Variants in ALPK1 observed in about 807,000 individuals in gnomAD.
The protein encoded by ALPK1 is alpha-protein kinase 1.
A neutral mutation model predicts 120.6 loss-of-function variants in ALPK1; 110 were observed. The ratio of observed to expected loss-of-function variants is 0.91; its 90% CI spans 0.78 to 1.07. The LOEUF is 1.07. ALPK1 is among the 50% of genes least tolerant of loss of function. The pLI, the probability that ALPK1 is intolerant of heterozygous loss-of-function variation, is 0.00. For synonymous variants in ALPK1, 582 were observed against 560.3 expected, an observed-to-expected ratio of 1.04 and a Z score of -0.55; for missense variants, 1,498 against 1,483.9, an observed-to-expected ratio of 1.01 and a Z score of -0.16.
intron 4 of ALPK1, among the ~76,000 whole-genome samples, chr4:112,398,298 T>C (rs1732756697): frequency 6.6e-6 from 1 of 152,114 alleles, no homozygotes; most frequent in Non-Finnish European, 1.5e-5. Flanking sequence ...ATTTTTTTAA[T>C]TTTTTTAAGA....
intron 2 of ALPK1, chr4:112,358,298 T>G: frequency 1.7e-6 from 1 of 600,384 alleles, no homozygotes; most frequent in East Asian, 3.7e-5. Context: ...GGTGTACAAC[T>G]TCGGCCATGT....
At chr4:112,419,006 A>G (rs1182378091) in intron 5 of ALPK1, among the ~76,000 whole-genome samples, 3 of 152,250 alleles carry the variant, frequency 2.0e-5, no homozygotes, top group Non-Finnish European at 4.4e-5. Context: ...AATATGGCTG[A>G]ACACATAGAA....
intron 12 of ALPK1, among the ~76,000 whole-genome samples, chr4:112,436,292 G>A (rs1037626585): frequency 7.9e-6 from 1 of 126,860 alleles, no homozygotes. Context: ...TCTGAGGGTA[G>A]ATACTATTAT....
At position 112,425,739 on chromosome 4, in the gene ALPK1, C is replaced by T; in HGVS notation, c.610C>T (p.Leu204=). Residue 204 remains leucine (L), a synonymous_variant, in exon 7 of 16, where the codon CTG becomes TTG. Coordinates refer to ENST00000650871, the MANE Select transcript of ALPK1 (RefSeq NM_025144.4). ...CTGTATACAGATCAGAGGGCAGATT[C>T]TGCAAAAGCTGGGTACAATCATGTA... ...SVCIQIRGQI[L]QKLGMWYEAA... 6.2e-7 allele frequency: 1 copy of T among 1,611,090 alleles called. No homozygotes were observed. The highest frequency in any genetic ancestry group is 8.5e-7 in the Non-Finnish European group (1 of 1,177,952).
chr4:112,322,391 C>T (rs1416317620), intron 2 of ALPK1, among the ~76,000 whole-genome samples: 1 of 152,010 alleles, frequency 6.6e-6, no homozygotes, highest in Admixed American at 6.6e-5. Flanking sequence ...TACAGATATC[C>T]CTGAAATAAA....
intron 2 of ALPK1, among the ~76,000 whole-genome samples, chr4:112,320,521 C>G (rs1336712370): frequency 6.6e-6 from 1 of 152,012 alleles, no homozygotes; most frequent in African/African-American, 2.4e-5. Context: ...TTGTTATGTC[C>G]TTTCCTGGTT....
chr4:112,410,639 A>G (rs891480348), intron 4 of ALPK1, among the ~76,000 whole-genome samples: 1 of 152,232 alleles, frequency 6.6e-6, no homozygotes, highest in African/African-American at 2.4e-5. Flanking sequence ...GCATAGGAAG[A>G]TAATAGTATT....
intron 1 of ALPK1, among the ~76,000 whole-genome samples, chr4:112,310,757 GT>G (rs901897785): frequency 9.9e-5 from 15 of 151,828 alleles, no homozygotes; most frequent in East Asian, 1.9e-4. Flanking sequence ...TTTTCCTTAA[GT>G]TTTTTTTGAT....
intron 1 of ALPK1, among the ~76,000 whole-genome samples, chr4:112,298,025 C>A (rs1727620176): frequency 6.6e-6 from 1 of 152,034 alleles, no homozygotes; most frequent in Non-Finnish European, 1.5e-5. Context: ...TGTTTAGAGA[C>A]AAAGCATCCA....
chr4:112,425,876 C>T, intron 7 of ALPK1, 125 bp downstream of exon 7: 2 of 676,892 alleles, frequency 3.0e-6, no homozygotes, highest in Non-Finnish European at 5.0e-6. Context: ...TTAGTTTCCT[C>T]ATCGAAAAGA....
chr4:112,412,549 G>A, intron 5 of ALPK1: 1 of 406,256 alleles, frequency 2.5e-6, no homozygotes. Flanking sequence ...CTGTCACTTT[G>A]AATGAAATGA....
In ALPK1 at chr4:112,439,674, G is replaced by A. The variant is rs778750114; in HGVS notation, c.3352-12G>A. The A allele has an allele frequency of 6.3e-7, 1 of 1,591,704 alleles. No homozygotes were observed. Among genetic ancestry groups the A allele is most frequent in the Admixed American group, 1.8e-5 (1 of 55,480 alleles). Reference sequence around the variant, plus strand: ...CCATTATGCTGTAATGTTTCTCATTGCTATTTTTCAGATTTTAGAGGACAA... The same window carrying A: ...CCATTATGCTGTAATGTTTCTCATTACTATTTTTCAGATTTTAGAGGACAA... On this transcript the variant is annotated splice_polypyrimidine_tract_variant and intron_variant, in intron 13 of 15. Coordinates refer to ENST00000650871, the MANE Select transcript of ALPK1 (RefSeq NM_025144.4).
At chr4:112,429,020 T>C in intron 9 of ALPK1, 129 bp from the exon 10 acceptor site, 1 of 800,940 alleles carries the variant, frequency 1.2e-6, no homozygotes, top group Non-Finnish European at 2.1e-6. Context: ...TTCTTTACAC[T>C]GTTCTGAACG....
chr4:112,426,520 G>T lies in ALPK1; in HGVS notation c.676G>T (p.Ala226Ser). 6.3e-7 allele frequency: 1 copy of T among 1,582,310 alleles called. No homozygotes were observed. Among genetic ancestry groups the T allele is most frequent in the Non-Finnish European group, 8.6e-7 (1 of 1,167,858 alleles). ...ATGGGCCTCCATTGTAGGATATTTG[G>T]CACTTCCTCAGCCGGATAAAAAGGT... ...LIWASIVGYL[A>S]LPQPDKKGLS... The change falls in exon 8 of 16, where the codon GCA (alanine) becomes TCA (serine). Residue 226 changes from alanine (A) to serine (S), a missense_variant. Transcript: ENST00000650871.
At chr4:112,357,480 C>A (rs1730689492) in intron 2 of ALPK1, 2 of 730,268 alleles carry the variant, frequency 2.7e-6, no homozygotes, top group Non-Finnish European at 2.4e-6. Context: ...AGGTGCTGAG[C>A]TACTGGTGCT....
chr4:112,346,050 A>G (rs1461015526), intron 2 of ALPK1, among the ~76,000 whole-genome samples: 1 of 152,106 alleles, frequency 6.6e-6, no homozygotes, highest in Non-Finnish European at 1.5e-5. Context: ...TTTAGTAGAG[A>G]TGGGGTTTCT....
chr4:112,436,747 T>G (rs552033869), intron 12 of ALPK1, among the ~76,000 whole-genome samples: 1 of 152,274 alleles, frequency 6.6e-6, no homozygotes, highest in East Asian at 1.9e-4. Context: ...TTCAGAACTG[T>G]GAGAAAATCA....
chr4:112,425,531 T>G lies in ALPK1; in HGVS notation c.536-134T>G, dbSNP rs185875994. On this transcript the variant is annotated intron_variant, in intron 6 of 15. Coordinates refer to ENST00000650871, the MANE Select transcript of ALPK1 (RefSeq NM_025144.4). ...TAGACTACAGCAAGAAGTTTGGACCTGATTCTAAATGTAGAGACGAGATTG... is the reference window on the plus strand; with the variant it reads ...TAGACTACAGCAAGAAGTTTGGACCGGATTCTAAATGTAGAGACGAGATTG... The G allele has an allele frequency of 1.6e-3, 1,152 of 706,484 alleles. 13 individuals are homozygous for G. Among genetic ancestry groups the G allele is most frequent in the Non-Finnish European group, 8.8e-4 (364 of 414,564 alleles). 43.8% of individuals were successfully genotyped at this position (706,484 alleles called of 1,614,324 possible). A position where few individuals can be genotyped will look rare whatever the true frequency, so the allele number is the denominator to read the frequency against.
chr4:112,309,435 G>A (rs1728293592), intron 1 of ALPK1, among the ~76,000 whole-genome samples: 1 of 152,156 alleles, frequency 6.6e-6, no homozygotes, highest in Admixed American at 6.5e-5. Context: ...AGCTACTCAA[G>A]CCTCAGCAAT....
Sources: allele counts gnomAD v4.1 joint callset (sites outside exome capture counted in the v4.1 genomes callset), GRCh38; gene constraint gnomAD v4.1.1; transcripts MANE v1.5; gene names NCBI Gene and HGNC (gene_info 2026-07-23, HGNC 2026-07-21).